The following ANO4 variants were observed in gnomAD, a reference collection of about 807,000 sequenced individuals.
ANO4 encodes the protein anoctamin 4, also known as anoctamin-4.
ANO4 carries 69 observed loss-of-function variants against 141.9 expected under a neutral mutation model. That is an observed-to-expected ratio of 0.49 (90% CI 0.40 to 0.59). ANO4 has a LOEUF of 0.59. Among genes scored for constraint, ANO4 ranks in the 20% least tolerant of loss-of-function variants. The pLI, the probability that ANO4 is intolerant of heterozygous loss-of-function variation, is 0.00. For missense variants in ANO4, 894 were observed against 1,162.2 expected, an observed-to-expected ratio of 0.77 and a Z score of 3.36; for synonymous variants, 350 against 394.3, an observed-to-expected ratio of 0.89 and a Z score of 1.33.
chr12:100,845,390 A>C (rs999835767), intron 1 of ANO4, among the ~76,000 whole-genome samples: 4 of 152,080 alleles, frequency 2.6e-5, no homozygotes, highest in Non-Finnish European at 5.9e-5. Context: ...AAAGGGTAGG[A>C]ATGGCTTGAG....
rs1469884648 is a variant in ANO4, at chr12:100,738,952, C to G, written c.107-902C>G. ...TTACAACTTGGTACTTTTTTACTTA[C>G]GTCTTCTGATCCTCCTTGCTCCTGG... On this transcript the variant is annotated intron_variant, in intron 2 of 29. Transcript: ENST00000644049. Among the ~76,000 whole-genome samples the G allele has an allele frequency of 2.0e-5, 3 of 150,464 alleles. No individual in the cohort carries two copies. In the East Asian group the frequency reaches 5.8e-4, roughly 29 times the overall value.
chr12:100,755,903 C>A (rs2032588349), intron 3 of ANO4, among the ~76,000 whole-genome samples: 1 of 152,184 alleles, frequency 6.6e-6, no homozygotes, highest in African/African-American at 2.4e-5. Flanking sequence ...GAGGACGAGT[C>A]TTCCACTGTT....
chr12:100,892,210 T>A, intron 1 of ANO4, among the ~76,000 whole-genome samples: 1 of 152,230 alleles, frequency 6.6e-6, no homozygotes, highest in Admixed American at 6.5e-5. Context: ...TGTCTAAAGT[T>A]GCAGTGACCA....
intron 1 of ANO4, among the ~76,000 whole-genome samples, chr12:100,883,472 C>G (rs1432085475): frequency 1.3e-5 from 2 of 152,230 alleles, no homozygotes; most frequent in Non-Finnish European, 2.9e-5. Flanking sequence ...GAAGCCATTG[C>G]TTACTGACCT....
At chr12:100,747,329 G>A (rs1453154692) in intron 3 of ANO4, among the ~76,000 whole-genome samples, 1 of 152,114 alleles carries the variant, frequency 6.6e-6, no homozygotes, top group Admixed American at 6.5e-5. Context: ...TTTCCAAAGA[G>A]GAAGATTTTT....
chr12:100,739,045 ATATATATATCTAAATCTT>A (rs1278089378), intron 2 of ANO4, among the ~76,000 whole-genome samples: 9 of 146,904 alleles, frequency 6.1e-5, no homozygotes, highest in African/African-American at 1.7e-4. Context: ...CTAAATCTTT[ATATATATATCTAAATCTT>A]TATATATATC....
intron 9 of ANO4, among the ~76,000 whole-genome samples, chr12:101,035,019 A>C (rs1227023): frequency 6.6e-6 from 1 of 152,084 alleles, no homozygotes; most frequent in Admixed American, 6.6e-5. Flanking sequence ...TTCATCTACT[A>C]TATGATCTAG....
chr12:100,974,074 G>A (rs2044048726), intron 6 of ANO4, among the ~76,000 whole-genome samples: 1 of 152,112 alleles, frequency 6.6e-6, no homozygotes, highest in African/African-American at 2.4e-5. Context: ...CCTGAAATAT[G>A]GAAAGTGAGG....
At chr12:100,806,524 GTTTTTTTTT>G (rs763949654) in intron 1 of ANO4, among the ~76,000 whole-genome samples, 50 of 59,850 alleles carry the variant, frequency 8.4e-4, no homozygotes, top group African/African-American at 2.2e-3. Flanking sequence ...TTTTTGTTTC[GTTTTTTTTT>G]TTTTTTTTTT....
intron 9 of ANO4, among the ~76,000 whole-genome samples, chr12:101,021,861 T>C (rs953386037): frequency 3.3e-5 from 5 of 152,108 alleles, no homozygotes; most frequent in African/African-American, 9.7e-5. Flanking sequence ...AAATTTTACA[T>C]TAATATCACT....
At position 101,042,409 on chromosome 12, in the gene ANO4, C is replaced by T. The variant is rs1166292059; in HGVS notation, c.1095C>T (p.Ala365=). ...ACACCGGCATGCTCTTCCCAGCTGC[C>T]TTCATTGGATTGTTTGTCTTTTTGT... ...GWYTGMLFPA[A]FIGLFVFLYG... is the part of the protein sequence containing the mutation. The change falls in exon 12 of 28, where the codon GCC becomes GCT. Residue 365 remains alanine (A), a synonymous_variant. Transcript: ENST00000392977. 1.9e-6 allele frequency: 3 copies of T among 1,614,020 alleles called. No homozygotes were observed. The highest frequency in any genetic ancestry group is 2.5e-6 in the Non-Finnish European group (3 of 1,180,028).
chr12:100,893,237 A>G (rs2040189544), intron 1 of ANO4, among the ~76,000 whole-genome samples: 1 of 150,252 alleles, frequency 6.7e-6, no homozygotes, highest in South Asian at 2.1e-4. Context: ...GGCAAGAAGG[A>G]GGATTTTTTT....
rs114561525 is a variant in ANO4 at position 100,942,628 on chromosome 12, A to G, written c.456+93A>G. 119 of 1,325,828 alleles carry G rather than the reference A, an allele frequency of 9.0e-5. No individual in the cohort carries two copies. In the African/African-American group the frequency reaches 1.6e-3, roughly 17 times the overall value. The allele number at this position is 1,325,828 out of a possible 1,614,324, so 82.1% of individuals were successfully genotyped here. A position where few individuals can be genotyped will look rare whatever the true frequency, so the allele number is the denominator to read the frequency against. On this transcript the variant is annotated intron_variant, in intron 5 of 27. Transcript: ENST00000392977. ...TAAGCAAGCAGTCTTAATGTTAACCAAACATTTCATTTGGTCAGAGTTTTC... is the reference window on the plus strand; with the variant it reads ...TAAGCAAGCAGTCTTAATGTTAACCGAACATTTCATTTGGTCAGAGTTTTC...
At chr12:100,988,168 C>T (rs2044809324) in intron 8 of ANO4, among the ~76,000 whole-genome samples, 2 of 152,180 alleles carry the variant, frequency 1.3e-5, no homozygotes, top group Admixed American at 6.5e-5. Flanking sequence ...CCTGGCAGCC[C>T]ACTTGCTGAG....
At chr12:100,894,547 A>G (rs1276936494) in intron 1 of ANO4, among the ~76,000 whole-genome samples, 1 of 152,034 alleles carries the variant, frequency 6.6e-6, no homozygotes, top group Non-Finnish European at 1.5e-5. Context: ...GCCCCCTCTT[A>G]TGGGAACATA....
intron 1 of ANO4, among the ~76,000 whole-genome samples, chr12:100,859,491 C>T (rs867111071): frequency 4.4e-4 from 67 of 152,116 alleles, no homozygotes; most frequent in South Asian, 2.1e-4. Context: ...AGAATCTAGT[C>T]TGTCCTGACT....
At chr12:100,786,505 G>A (rs371930583) in intron 3 of ANO4, among the ~76,000 whole-genome samples, 13 of 152,216 alleles carry the variant, frequency 8.5e-5, no homozygotes, top group African/African-American at 2.6e-4. Flanking sequence ...CAGCCCATTG[G>A]GATAGCCCCA....
intron 8 of ANO4, among the ~76,000 whole-genome samples, chr12:100,998,187 C>G (rs1250054592): frequency 1.3e-5 from 2 of 152,136 alleles, no homozygotes; most frequent in East Asian, 1.9e-4. Flanking sequence ...GCAGAAAAAA[C>G]GTGAAGAGGC....
At chr12:100,742,468 A>G (rs776756688) in intron 3 of ANO4, among the ~76,000 whole-genome samples, 1 of 152,116 alleles carries the variant, frequency 6.6e-6, no homozygotes, top group Non-Finnish European at 1.5e-5. Flanking sequence ...CTGAGGTGAG[A>G]TAAGTCAGTT....
Sources: gnomAD v4.1 joint callset for allele counts (sites outside exome capture counted in the v4.1 genomes callset) on GRCh38, gnomAD v4.1.1 for gene constraint, MANE v1.5 for transcripts, NCBI Gene and HGNC (gene_info 2026-07-23, HGNC 2026-07-21) for gene names.